TTF2: variants seen among roughly 807,000 people sequenced by gnomAD.
TTF2 encodes transcription termination factor 2.
In TTF2, 108 loss-of-function variants were observed where a neutral mutation model predicts 142.4. That is an observed-to-expected ratio of 0.76 (90% CI 0.65 to 0.89). TTF2 has a LOEUF of 0.89. Ranked by LOEUF, TTF2 falls within the 40% of genes least tolerant of loss-of-function variation. TTF2 has a pLI of 0.00. For missense variants in TTF2, 1,327 were observed against 1,379.8 expected, an observed-to-expected ratio of 0.96 and a Z score of 0.61; for synonymous variants, 483 against 506.2, an observed-to-expected ratio of 0.95 and a Z score of 0.61.
chr1:117,060,941 T>G (rs1655628785), intron 2 of TTF2, among the ~76,000 whole-genome samples: 1 of 152,230 alleles, frequency 6.6e-6, no homozygotes, highest in African/African-American at 2.4e-5. Context: ...GAAAATAATT[T>G]GTCCCTGTTT....
Position 117,060,357 on chromosome 1 carries a change from T to C in TTF2, c.11T>C (p.Val4Ala), listed in dbSNP as rs762043718. 1 of 1,599,662 alleles carries C rather than the reference T, an allele frequency of 6.3e-7. No individual in the cohort carries two copies. Among genetic ancestry groups the C allele is most frequent in the Admixed American group, 1.8e-5 (1 of 57,062 alleles). MEEVRCPEHGTFCF... is the reference protein window; with the variant it reads MEEARCPEHGTFCF... ...GGGGGACCCAGCGAAATGGAAGAAG[T>C]TAGGTGTCCAGAGCACGGTAAGGGG... is the stretch of plus-strand genomic sequence containing the variant. The change falls in exon 1 of 23, where the codon GTT (valine) becomes GCT (alanine). Residue 4 changes from valine to alanine, a missense_variant. Val to Ala is a moderately conservative substitution (Grantham distance 64, BLOSUM62 0). Coordinates refer to ENST00000369466, the MANE Select transcript of TTF2 (RefSeq NM_003594.4).
Position 117,090,418 on chromosome 1 carries a change from T to C in TTF2, c.2497-114T>C. 1.7e-6 allele frequency: 2 copies of C among 1,172,632 alleles called. No individual in the cohort carries two copies. The highest frequency in any genetic ancestry group is 2.9e-5 in the South Asian group (2 of 68,726). The allele number at this position is 1,172,632 out of a possible 1,614,324, so 72.6% of individuals were successfully genotyped here. On this transcript the variant is annotated intron_variant, in intron 14 of 22. Transcript: ENST00000369466. This position sits in a 1 kb window ranked among gnomAD's most constrained non-coding sequence, Gnocchi z 4.8. Reference sequence around the variant, plus strand: ...GAGCAGTCCTGTGTCTAAGAAAGGGTGGAAGCTGCATTCCAGGGTTGACTA... The same window carrying C: ...GAGCAGTCCTGTGTCTAAGAAAGGGCGGAAGCTGCATTCCAGGGTTGACTA...
At position 117,075,780 on chromosome 1, in the gene TTF2, C is replaced by T. The variant is rs775419604; in HGVS notation, c.1196C>T (p.Ser399Leu). 4.3e-6 allele frequency: 7 copies of T among 1,614,208 alleles called. No homozygotes were observed. In the South Asian group the frequency reaches 7.7e-5, roughly 18 times the overall value. Residue 399 changes from serine to leucine, a missense_variant, in exon 5 of 23, where the codon TCA (serine) becomes TTA (leucine). Physicochemically the swap from Ser to Leu is moderately radical, Grantham distance 145. Coordinates refer to ENST00000369466, the MANE Select transcript of TTF2 (RefSeq NM_003594.4). The surrounding 1 kb of genome is among the most constrained non-coding windows in gnomAD (Gnocchi z 4.5). ...GTGCAAAGAAAGGTGTCTCCTGCCTCAGGTGTTTCCAAGAAGGTAGAACCC... is the reference window on the plus strand; with the variant it reads ...GTGCAAAGAAAGGTGTCTCCTGCCTTAGGTGTTTCCAAGAAGGTAGAACCC... ...RSVQRKVSPA[S>L]GVSKKVEPSD...
At chr1:117,065,474 T>C (rs767048346) in intron 3 of TTF2, among the ~76,000 whole-genome samples, 1 of 152,104 alleles carries the variant, frequency 6.6e-6, no homozygotes, top group Non-Finnish European at 1.5e-5. Context: ...GGAAGGCGCC[T>C]GTAGTCCCAG....
In TTF2 at chr1:117,086,260, TGTGTGTGTGTGC is replaced by T. The variant is rs1381321254; in HGVS notation, c.2055-146_2055-135del. On this transcript the variant is annotated intron_variant, in intron 11 of 22. Coordinates refer to ENST00000369466, the MANE Select transcript of TTF2 (RefSeq NM_003594.4). This position sits in a 1 kb window ranked among gnomAD's most constrained non-coding sequence, Gnocchi z 4.2. ...TTTACCTCCAAAATGTGTGTGTGTGTGTGTGTGTGTGCGTGTGTGTGTTAAGGACACAAGTTA... is the reference window on the plus strand; with the variant it reads ...TTTACCTCCAAAATGTGTGTGTGTGTGTGTGTGTGTTAAGGACACAAGTTA... Among the ~76,000 whole-genome samples the T allele has an allele frequency of 1.4e-4, 21 of 151,804 alleles. No individual in the cohort carries two copies. Among genetic ancestry groups the T allele is most frequent in the Non-Finnish European group, 2.6e-4 (18 of 67,930 alleles).
intron 13 of TTF2, among the ~76,000 whole-genome samples, chr1:117,089,260 C>CTAGATA: frequency 7.3e-6 from 1 of 137,534 alleles, no homozygotes; most frequent in South Asian, 2.4e-4. Flanking sequence ...CAAATATATG[C>CTAGATA]TATATATATA....
rs376274269 is a variant in TTF2, at chr1:117,079,521, C to G, written c.1702-47C>G. The G allele has an allele frequency of 1.3e-6, 2 of 1,578,700 alleles. No homozygotes were observed. The highest frequency in any genetic ancestry group is 1.7e-6 in the Non-Finnish European group (2 of 1,149,730). ...TTCGTGTAGCCAGGCTCGGCATAGC[C>G]TCTCATTAGGAATTTATGCTTAGCA... On this transcript the variant is annotated intron_variant, in intron 8 of 22. Coordinates refer to ENST00000369466, the MANE Select transcript of TTF2 (RefSeq NM_003594.4). The surrounding 1 kb of genome is among the most constrained non-coding windows in gnomAD (Gnocchi z 4.2).
At chr1:117,078,684 A>G (rs1253786375) in intron 8 of TTF2, among the ~76,000 whole-genome samples, 1 of 152,228 alleles carries the variant, frequency 6.6e-6, no homozygotes, top group East Asian at 1.9e-4. Flanking sequence ...ATTAGATCTG[A>G]ATAACTCAAG....
At chr1:117,084,414 A>G (rs186805337) in intron 11 of TTF2, among the ~76,000 whole-genome samples, 1,668 of 152,312 alleles carry the variant, frequency 0.011, 22 homozygotes, top group Admixed American at 0.015. Flanking sequence ...GAGATGCCGG[A>G]GCTGCCATTC....
At chr1:117,064,981 C>T (rs893194383) in intron 3 of TTF2, among the ~76,000 whole-genome samples, 1 of 151,950 alleles carries the variant, frequency 6.6e-6, no homozygotes, top group Non-Finnish European at 1.5e-5. Context: ...GAAGATTTTC[C>T]TTTTCCCATT....
In TTF2 at chr1:117,091,876, TC is replaced by T. The variant is rs1310447337; in HGVS notation, c.2733del (p.Ser912AlafsTer10). On this transcript the variant is annotated frameshift_variant, in exon 17 of 23. Transcript: ENST00000369466. LOFTEE classifies it high-confidence loss of function. ...RHSEAADSPR[S>X]STVHILSQLL... ...CTCGGAGGCAGCAGACTCACCGAGA[TC>T]CAGCACCGTCCACATACTGTCCCAG... is the stretch of plus-strand genomic sequence containing the variant. The T allele has an allele frequency of 2.5e-6, 4 of 1,612,758 alleles. No individual in the cohort carries two copies. Among genetic ancestry groups the T allele is most frequent in the Non-Finnish European group, 1.7e-6 (2 of 1,179,658 alleles).
chr1:117,067,479 C>G (rs1367088134), intron 3 of TTF2, among the ~76,000 whole-genome samples: 3 of 129,856 alleles, frequency 2.3e-5, no homozygotes, highest in Non-Finnish European at 4.7e-5. Flanking sequence ...GAGCCAAGAT[C>G]ACATCATTAC....
chr1:117,093,330 G>A lies in TTF2; in HGVS notation c.2976+429G>A, dbSNP rs901476966. Among the ~76,000 whole-genome samples, 1 of 152,186 alleles carries A rather than the reference G, an allele frequency of 6.6e-6. No individual in the cohort carries two copies. Among genetic ancestry groups the A allele is most frequent in the African/African-American group, 2.4e-5 (1 of 41,458 alleles). On this transcript the variant is annotated intron_variant, in intron 18 of 22. Coordinates refer to ENST00000369466, the MANE Select transcript of TTF2 (RefSeq NM_003594.4). This position sits in a 1 kb window ranked among gnomAD's most constrained non-coding sequence, Gnocchi z 4.5. ...TGAAAGGCTTCCACATGTGAGTAGT[G>A]TTTCCTACATAGCCTTCTGTCTTCA... is the stretch of plus-strand genomic sequence containing the variant.
At chr1:117,067,347 C>G (rs766763002) in intron 3 of TTF2, among the ~76,000 whole-genome samples, 59 of 151,862 alleles carry the variant, frequency 3.9e-4, no homozygotes, top group Non-Finnish European at 7.7e-4. Context: ...GCCTGGCCAT[C>G]ATGGTGAAAC....
rs1230818459 is a variant in TTF2, at chr1:117,086,958, G to A, written c.2160+436G>A. 3.3e-5 allele frequency among the ~76,000 whole-genome samples: 5 copies of A among 151,470 alleles called. No homozygotes were observed. In the East Asian group the frequency reaches 9.6e-4, roughly 29 times the overall value. On this transcript the variant is annotated intron_variant, in intron 12 of 22. Transcript: ENST00000369466. This position sits in a 1 kb window ranked among gnomAD's most constrained non-coding sequence, Gnocchi z 4.2. ...CCTTTACTTCCCAGAAAAAAAAAAA[G>A]GGTTGCAAATAATAAGGCCAGAGGC...
rs994035343 is a variant in TTF2 at position 117,100,650 on chromosome 1, C to T, written c.3345-730C>T. On this transcript the variant is annotated intron_variant, in intron 22 of 22. Transcript: ENST00000369466. The surrounding 1 kb of genome is among the most constrained non-coding windows in gnomAD (Gnocchi z 4.6). ...CATGGTTTTGCACGTGTTCCCATTC[C>T]CTGGGGTGCTCTCCTCACTGCTCTT... Among the ~76,000 whole-genome samples the T allele has an allele frequency of 2.0e-5, 3 of 152,146 alleles. No homozygotes were observed. The highest frequency in any genetic ancestry group is 4.4e-5 in the Non-Finnish European group (3 of 68,022).
chr1:117,081,802 C>G (rs369047437), intron 9 of TTF2, 26 bp from the exon 10 acceptor site: 2 of 1,608,680 alleles, frequency 1.2e-6, no homozygotes, highest in Admixed American at 3.4e-5. Context: ...GCAATTAACT[C>G]TCTTAATTTT....
chr1:117,075,618 G>GT lies in TTF2; in HGVS notation c.1035dup (p.Glu346Ter), dbSNP rs1656933998. 6.2e-7 allele frequency: 1 copy of GT among 1,614,046 alleles called. No homozygotes were observed. Among genetic ancestry groups the GT allele is most frequent in the African/African-American group, 1.3e-5 (1 of 74,924 alleles). On this transcript the variant is annotated frameshift_variant, in exon 5 of 23. Coordinates refer to ENST00000369466, the MANE Select transcript of TTF2 (RefSeq NM_003594.4). LOFTEE classifies it high-confidence loss of function. This position sits in a 1 kb window ranked among gnomAD's most constrained non-coding sequence, Gnocchi z 4.5. ...CCAGGGCTTTCCCTGGGTGAGGGCCGTGAAGCTGCCACAAGCAGTGACGAC... is the reference window on the plus strand; with the variant it reads ...CCAGGGCTTTCCCTGGGTGAGGGCCGTTGAAGCTGCCACAAGCAGTGACGAC...
rs1171169480 is a variant in TTF2 at position 117,080,017 on chromosome 1, T to G, written c.1783+368T>G. ...AGTCTATTGCCTCCCTCTTTTTTTT[T>G]TTTTTTTTTGAGATGGAGTTTCGCT... On this transcript the variant is annotated intron_variant, in intron 9 of 22. Transcript: ENST00000369466. This position sits in a 1 kb window ranked among gnomAD's most constrained non-coding sequence, Gnocchi z 4.3. Among the ~76,000 whole-genome samples, 1 of 151,762 alleles carries G rather than the reference T, an allele frequency of 6.6e-6. No individual in the cohort carries two copies. The highest frequency in any genetic ancestry group is 1.5e-5 in the Non-Finnish European group (1 of 67,902).
Sources: gnomAD v4.1 joint callset for allele counts (sites outside exome capture counted in the v4.1 genomes callset) on GRCh38, gnomAD v4.1.1 for gene constraint, Gnocchi (gnomAD v3.1) non-coding constraint, MANE v1.5 for transcripts, NCBI Gene and HGNC (gene_info 2026-07-23, HGNC 2026-07-21) for gene names.